LBH: variants seen among roughly 807,000 people sequenced by gnomAD.
LBH encodes the protein LBH regulator of Wnt signaling pathway.
In LBH, 7 loss-of-function variants were observed where a neutral mutation model predicts 12.5. The ratio of observed to expected loss-of-function variants is 0.56; its 90% CI spans 0.32 to 1.05. The LOEUF (loss-of-function observed/expected upper bound fraction) is 1.05. Ranked by LOEUF, LBH falls within the 50% of genes least tolerant of loss-of-function variation. The pLI, the probability that LBH is intolerant of heterozygous loss-of-function variation, is 0.04. For synonymous variants in LBH, 51 were observed against 50.1 expected (o/e 1.02, Z -0.08); for missense variants, 119 against 138.9 (o/e 0.86, Z 0.72).
chr2:30,252,438 G>A (rs1052704828), intron 2 of LBH, among the ~76,000 whole-genome samples: 5 of 152,108 alleles, frequency 3.3e-5, no homozygotes, highest in Admixed American at 6.6e-5. Flanking sequence ...CAGGGCGGGC[G>A]GATCATGAGG....
intron 2 of LBH, 144 bp from the exon 3 acceptor site, chr2:30,257,289 T>A (rs1678102239): frequency 6.2e-6 from 5 of 808,180 alleles, no homozygotes; most frequent in Non-Finnish European, 9.9e-6. Context: ...TCCCACCTTA[T>A]ATACTCCACA....
chr2:30,231,615 G>A lies in LBH; in HGVS notation c.-124G>A, dbSNP rs540934707. The stretch of plus-strand genomic sequence containing the variant: ...GTGGGGCTGTCCTGGGAAGGCGGAC[G>A]GCGAGCGCCCGGTGTCCGCACTCGG... On this transcript the variant is annotated 5_prime_UTR_variant, in exon 1 of 3. Coordinates refer to ENST00000395323, the MANE Select transcript of LBH (RefSeq NM_030915.4). The A allele has an allele frequency of 2.2e-6, 2 of 922,836 alleles. No homozygotes were observed. The highest frequency in any genetic ancestry group is 1.7e-5 in the African/African-American group (1 of 58,500). 57.2% of individuals were successfully genotyped at this position (922,836 alleles called of 1,614,324 possible). A position where few individuals can be genotyped will look rare whatever the true frequency, so the allele number is the denominator to read the frequency against.
chr2:30,231,554 C>G lies in LBH; in HGVS notation c.-185C>G, dbSNP rs1030971336. 1.6e-6 allele frequency: 1 copy of G among 620,652 alleles called. No individual in the cohort carries two copies. The highest frequency in any genetic ancestry group is 3.1e-5 in the Admixed American group (1 of 32,398). The allele number at this position is 620,652 out of a possible 1,614,324, so 38.4% of individuals were successfully genotyped here. A position where few individuals can be genotyped will look rare whatever the true frequency, so the allele number is the denominator to read the frequency against. On this transcript the variant is annotated 5_prime_UTR_variant, in exon 1 of 3. Transcript: ENST00000395323. Reference sequence around the variant, plus strand: ...GTGGGGCTGAGTGCTCAGTGGAGAGCGGGGAGTTGTGTCCACCTTGCCGAC... The same window carrying G: ...GTGGGGCTGAGTGCTCAGTGGAGAGGGGGGAGTTGTGTCCACCTTGCCGAC...
chr2:30,234,406 C>T lies in LBH; in HGVS notation c.28C>T (p.Pro10Ser). The T allele has an allele frequency of 1.2e-6, 2 of 1,613,756 alleles. No individual in the cohort carries two copies. Among genetic ancestry groups the T allele is most frequent in the South Asian group, 2.2e-5 (2 of 91,068 alleles). ...CTTTTGGTCTGGGTTTCTTGGCAGCCCCGACTATCTGAGATCGGCCAAGAT... is the reference window on the plus strand; with the variant it reads ...CTTTTGGTCTGGGTTTCTTGGCAGCTCCGACTATCTGAGATCGGCCAAGAT... Reference protein sequence around the residue: MSIYFPIHCPDYLRSAKMTE... With the variant: MSIYFPIHCSDYLRSAKMTE... Residue 10 changes from proline (P) to serine (S), a missense_variant and splice_region_variant, in exon 2 of 3, where the codon CCC becomes TCC. Coordinates refer to ENST00000395323, the MANE Select transcript of LBH (RefSeq NM_030915.4).
chr2:30,237,899 G>A (rs1436488208), intron 2 of LBH, among the ~76,000 whole-genome samples: 2 of 152,202 alleles, frequency 1.3e-5, no homozygotes, highest in Admixed American at 1.3e-4. Context: ...CAGGCAGGCT[G>A]TGGGTGGCGG....
At chr2:30,235,284 G>A (rs535836621) in intron 2 of LBH, among the ~76,000 whole-genome samples, 144 of 152,266 alleles carry the variant, frequency 9.5e-4, no homozygotes, top group African/African-American at 3.3e-3. Flanking sequence ...GGGTTTTGGA[G>A]GAGAGTTCCT....
chr2:30,231,864 G>A (rs1677591411), intron 1 of LBH, 100 bp downstream of exon 1: 9 of 1,088,086 alleles, frequency 8.3e-6, no homozygotes, highest in Admixed American at 4.4e-5. Flanking sequence ...GCAGCCGGCG[G>A]CGCGGGCGCT....
At position 30,257,813 on chromosome 2, in the gene LBH, C is replaced by T. The variant is rs1038445386; in HGVS notation, c.*192C>T. The T allele has an allele frequency of 2.1e-5, 9 of 428,940 alleles. No individual in the cohort carries two copies. Among genetic ancestry groups the T allele is most frequent in the South Asian group, 5.6e-5 (2 of 35,964 alleles). The allele number at this position is 428,940 out of a possible 1,614,324, so 26.6% of individuals were successfully genotyped here. A position where few individuals can be genotyped will look rare whatever the true frequency, so the allele number is the denominator to read the frequency against. ...GCCTTTTTTTTTTTTTGAAATTTGC[C>T]GAGCAGTGGAGCCCTCTGACAATTT... On this transcript the variant is annotated 3_prime_UTR_variant, in exon 3 of 3. Coordinates refer to ENST00000395323, the MANE Select transcript of LBH (RefSeq NM_030915.4).
At position 30,231,584 on chromosome 2, in the gene LBH, C is replaced by A. The variant is rs1242866451; in HGVS notation, c.-155C>A. On this transcript the variant is annotated 5_prime_UTR_variant, in exon 1 of 3. Transcript: ENST00000395323. ...AGTTGTGTCCACCTTGCCGACGTCG[C>A]TAGCCGTGGGGCTGTCCTGGGAAGG... 1.4e-6 allele frequency: 1 copy of A among 689,734 alleles called. No homozygotes were observed. 42.7% of individuals were successfully genotyped at this position (689,734 alleles called of 1,614,324 possible).
At chr2:30,256,811 C>T in intron 2 of LBH, 1 of 154,548 alleles carries the variant, frequency 6.5e-6, no homozygotes. Context: ...CAGGTGTGAG[C>T]CACCAGGCCC....
At chr2:30,241,827 CG>C (rs1558387198) in intron 2 of LBH, among the ~76,000 whole-genome samples, 1 of 152,102 alleles carries the variant, frequency 6.6e-6, no homozygotes, top group African/African-American at 2.4e-5. Context: ...TAAATCACAA[CG>C]GTTAACAATT....
chr2:30,247,036 G>A (rs1158484284), intron 2 of LBH, among the ~76,000 whole-genome samples: 2 of 152,078 alleles, frequency 1.3e-5, no homozygotes, highest in South Asian at 4.2e-4. Flanking sequence ...GCCCAGGCTT[G>A]TCTTGAAATC....
intron 2 of LBH, among the ~76,000 whole-genome samples, chr2:30,252,430 G>A (rs548957011): frequency 1.3e-5 from 2 of 152,244 alleles, no homozygotes; most frequent in East Asian, 3.9e-4. Context: ...TGGGAGGCCA[G>A]GGCGGGCGGA....
At chr2:30,248,818 C>T (rs1186893392) in intron 2 of LBH, among the ~76,000 whole-genome samples, 2 of 152,292 alleles carry the variant, frequency 1.3e-5, no homozygotes, top group Middle Eastern at 3.4e-3. Flanking sequence ...ACTCCTGACT[C>T]GCAGGATGGG....
At chr2:30,234,671 G>A (rs1677654630) in intron 2 of LBH, among the ~76,000 whole-genome samples, 164 bp downstream of exon 2, 1 of 152,126 alleles carries the variant, frequency 6.6e-6, no homozygotes, top group African/African-American at 2.4e-5. Context: ...TGTAAAATGG[G>A]GCAACAATCG....
At chr2:30,246,629 C>T (rs1444592596) in intron 2 of LBH, among the ~76,000 whole-genome samples, 1 of 152,200 alleles carries the variant, frequency 6.6e-6, no homozygotes, top group Non-Finnish European at 1.5e-5. Flanking sequence ...TGTGCTTCTC[C>T]AGTCAATCTG....
At chr2:30,235,027 TAG>T (rs1195202520) in intron 2 of LBH, among the ~76,000 whole-genome samples, 2 of 152,180 alleles carry the variant, frequency 1.3e-5, no homozygotes, top group Non-Finnish European at 2.9e-5. Context: ...TCAAACCACT[TAG>T]AGAGGAAGAT....
chr2:30,247,846 G>A (rs1558388776), intron 2 of LBH, among the ~76,000 whole-genome samples: 1 of 152,220 alleles, frequency 6.6e-6, no homozygotes, highest in African/African-American at 2.4e-5. Context: ...AATTGATGAT[G>A]CCAAGTATGG....
At chr2:30,246,768 C>CTTTT (rs1553334693) in intron 2 of LBH, among the ~76,000 whole-genome samples, 1 of 147,846 alleles carries the variant, frequency 6.8e-6, no homozygotes, top group South Asian at 2.1e-4. Flanking sequence ...TTCCTTCTTT[C>CTTTT]TCTTTCTTTC....
Sources: allele counts gnomAD v4.1 joint callset (sites outside exome capture counted in the v4.1 genomes callset), GRCh38; gene constraint gnomAD v4.1.1; transcripts MANE v1.5; gene names NCBI Gene and HGNC (gene_info 2026-07-23, HGNC 2026-07-21).